Variants in SLC35F1 observed in about 807,000 individuals in gnomAD.
SLC35F1 encodes the protein solute carrier family 35 member F1, also known as chromosome 6 open reading frame 169.
SLC35F1 carries 14 observed loss-of-function variants against 48.7 expected under a neutral mutation model. The observed-to-expected ratio is 0.29, with a 90% confidence interval of 0.19 to 0.45. The LOEUF is 0.45. Among genes scored for constraint, SLC35F1 ranks in the 20% least tolerant of loss-of-function variants. The pLI is 1.00. For missense variants in SLC35F1, 404 were observed against 500.0 expected, an observed-to-expected ratio of 0.81 and a Z score of 1.83; for synonymous variants, 190 against 202.2, an observed-to-expected ratio of 0.94 and a Z score of 0.51.
chr6:118,295,561 G>A (rs567845426), intron 7 of SLC35F1, among the ~76,000 whole-genome samples: 1 of 152,302 alleles, frequency 6.6e-6, no homozygotes, highest in South Asian at 2.1e-4. Flanking sequence ...CTGTGTCAGT[G>A]AGCAATCTCA....
chr6:118,261,661 C>CT (rs1209516397), intron 3 of SLC35F1, among the ~76,000 whole-genome samples: 2 of 152,240 alleles, frequency 1.3e-5, no homozygotes, highest in African/African-American at 4.8e-5. Context: ...ACTCTCATGA[C>CT]TTCCAAGGGG....
chr6:118,138,935 G>A (rs1463260799), intron 1 of SLC35F1, among the ~76,000 whole-genome samples: 1 of 151,128 alleles, frequency 6.6e-6, no homozygotes, highest in East Asian at 1.9e-4. Flanking sequence ...CTTCCATAGA[G>A]GATATTTTTT....
chr6:118,261,101 G>A (rs951595934), intron 3 of SLC35F1, among the ~76,000 whole-genome samples: 2 of 152,180 alleles, frequency 1.3e-5, no homozygotes, highest in Non-Finnish European at 2.9e-5. Context: ...AAATGCAATT[G>A]TACTACATGA....
chr6:118,047,563 T>C (rs1012307323), intron 1 of SLC35F1, among the ~76,000 whole-genome samples: 7 of 152,206 alleles, frequency 4.6e-5, no homozygotes, highest in African/African-American at 1.7e-4. Context: ...GCTGTGCCTC[T>C]TTGAAATCAA....
chr6:118,169,513 A>C (rs1044765935), intron 2 of SLC35F1, among the ~76,000 whole-genome samples: 1 of 152,176 alleles, frequency 6.6e-6, no homozygotes, highest in Non-Finnish European at 1.5e-5. Flanking sequence ...ATGATGATCT[A>C]TTGAGCTGTG....
chr6:117,944,383 G>T (rs1776268378), intron 1 of SLC35F1, among the ~76,000 whole-genome samples: 2 of 152,074 alleles, frequency 1.3e-5, no homozygotes, highest in Non-Finnish European at 2.9e-5. Context: ...CCACTTTGTT[G>T]CCAAACATAG....
At chr6:117,913,877 C>A (rs557988699) in intron 1 of SLC35F1, among the ~76,000 whole-genome samples, 16 of 152,060 alleles carry the variant, frequency 1.1e-4, no homozygotes, top group African/African-American at 3.6e-4. Flanking sequence ...ATGGCGAAAC[C>A]CCATCTCTAC....
At chr6:118,097,267 A>T (rs1773190737) in intron 1 of SLC35F1, among the ~76,000 whole-genome samples, 1 of 152,180 alleles carries the variant, frequency 6.6e-6, no homozygotes, top group Admixed American at 6.5e-5. Context: ...TTTGTGCTAT[A>T]TGCAGACCAC....
chr6:118,274,847 C>A (rs1481027585), intron 4 of SLC35F1, among the ~76,000 whole-genome samples: 6 of 152,186 alleles, frequency 3.9e-5, no homozygotes, highest in Non-Finnish European at 8.8e-5. Context: ...CTAACAGTTA[C>A]ACATTTTGCC....
In SLC35F1 at chr6:118,160,022, A is replaced by G. The variant is rs547957515; in HGVS notation, c.349+5402A>G. Among the ~76,000 whole-genome samples, 4 of 152,190 alleles carry G rather than the reference A, an allele frequency of 2.6e-5. No homozygotes were observed. The South Asian group carries it at 6.2e-4, about 24-fold the overall frequency. On this transcript the variant is annotated intron_variant, in intron 2 of 7. Coordinates refer to ENST00000360388, the MANE Select transcript of SLC35F1 (RefSeq NM_001029858.4). ...TTGTTTTCACACCAGCAATTTACTC[A>G]TTGCTGGAGGAGTAAAGGCAGGATG...
intron 1 of SLC35F1, among the ~76,000 whole-genome samples, chr6:118,051,441 C>T (rs1413545831): frequency 3.3e-5 from 5 of 152,066 alleles, no homozygotes. Flanking sequence ...GTGATTCTTG[C>T]ATGCTACTTT....
intron 1 of SLC35F1, among the ~76,000 whole-genome samples, chr6:117,974,108 T>C (rs1562252551): frequency 6.6e-6 from 1 of 152,178 alleles, no homozygotes; most frequent in Non-Finnish European, 1.5e-5. Flanking sequence ...TTGTTTAATC[T>C]CTCTATGCCC....
At chr6:117,928,996 C>A (rs544866616) in intron 1 of SLC35F1, among the ~76,000 whole-genome samples, 1 of 152,160 alleles carries the variant, frequency 6.6e-6, no homozygotes, top group East Asian at 1.9e-4. Flanking sequence ...TTTCAGGAAA[C>A]CAATCATCAG....
At chr6:118,283,259 G>A (rs748886746) in intron 6 of SLC35F1, among the ~76,000 whole-genome samples, 2 of 152,108 alleles carry the variant, frequency 1.3e-5, no homozygotes, top group Non-Finnish European at 2.9e-5. Context: ...TTCAGCACTC[G>A]AGGTAAATGC....
chr6:118,032,238 A>G (rs956612280), intron 1 of SLC35F1, among the ~76,000 whole-genome samples: 1 of 152,182 alleles, frequency 6.6e-6, no homozygotes, highest in Non-Finnish European at 1.5e-5. Context: ...TGATTTCTGT[A>G]ATCACAGATT....
chr6:118,302,686 AG>A (rs1435034354), intron 7 of SLC35F1, among the ~76,000 whole-genome samples: 3 of 152,206 alleles, frequency 2.0e-5, no homozygotes, highest in Non-Finnish European at 2.9e-5. Flanking sequence ...TTAAGACATT[AG>A]ACAATTTAAT....
intron 7 of SLC35F1, among the ~76,000 whole-genome samples, chr6:118,293,628 A>T (rs1776150455): frequency 6.6e-6 from 1 of 152,196 alleles, no homozygotes; most frequent in Non-Finnish European, 1.5e-5. Context: ...TAATAATTCT[A>T]CCAGGACAAT....
At chr6:118,173,864 A>G (rs142421944) in intron 2 of SLC35F1, among the ~76,000 whole-genome samples, 55 of 152,332 alleles carry the variant, frequency 3.6e-4, no homozygotes, top group African/African-American at 1.1e-3. Flanking sequence ...TAAAGCAAAG[A>G]GATACATCTA....
intron 2 of SLC35F1, among the ~76,000 whole-genome samples, chr6:118,232,670 T>C (rs1775308457): frequency 6.6e-6 from 1 of 151,746 alleles, no homozygotes; most frequent in African/African-American, 2.4e-5. Context: ...AGACTTCATT[T>C]GGAGACAGAA....
Sources: allele counts gnomAD v4.1 joint callset (sites outside exome capture counted in the v4.1 genomes callset), GRCh38; gene constraint gnomAD v4.1.1; transcripts MANE v1.5; gene names NCBI Gene and HGNC (gene_info 2026-07-23, HGNC 2026-07-21).